Variants in RELN observed in about 807,000 individuals in gnomAD.
The protein encoded by RELN is reelin.
In RELN, 108 loss-of-function variants were observed where a neutral mutation model predicts 427.6. That is an observed-to-expected ratio of 0.25 (90% CI 0.22 to 0.30). RELN has a LOEUF of 0.30. Among genes scored for constraint, RELN ranks in the 10% least tolerant of loss-of-function variants. The pLI is 1.00. For synonymous variants in RELN, 1,524 were observed against 1,513.4 expected, an observed-to-expected ratio of 1.01 and a Z score of -0.16; for missense variants, 3,715 against 4,302.8, an observed-to-expected ratio of 0.86 and a Z score of 3.82.
intron 53 of RELN, among the ~76,000 whole-genome samples, chr7:103,499,444 A>C (rs10260917): frequency 0.01 from 1,596 of 152,298 alleles, 28 homozygotes; most frequent in African/African-American, 0.037. Flanking sequence ...GTAGAGACAC[A>C]TTTCTTGTTT....
intron 48 of RELN, 27 bp downstream of exon 48, chr7:103,521,995 A>G (rs1345680836): frequency 6.2e-7 from 1 of 1,612,622 alleles, no homozygotes; most frequent in Non-Finnish European, 8.5e-7. Flanking sequence ...AAGAGCAGAA[A>G]TGAGTAACCA....
chr7:103,832,128 A>G (rs1249621114), intron 3 of RELN, among the ~76,000 whole-genome samples: 1 of 152,034 alleles, frequency 6.6e-6, no homozygotes, highest in East Asian at 1.9e-4. Flanking sequence ...ACCCATAGAA[A>G]CCCCAGACAC....
intron 3 of RELN, among the ~76,000 whole-genome samples, chr7:103,784,556 T>C (rs1791969914): frequency 6.6e-6 from 1 of 152,190 alleles, no homozygotes; most frequent in African/African-American, 2.4e-5. Flanking sequence ...TGGTTTTTCC[T>C]GGTTCACAAC....
intron 19 of RELN, among the ~76,000 whole-genome samples, chr7:103,631,576 G>T (rs147014986): frequency 0.012 from 1,800 of 152,126 alleles, 47 homozygotes; most frequent in African/African-American, 0.041. Flanking sequence ...ACAGGCGTGG[G>T]CCACTGTGCC....
At chr7:103,826,877 A>G (rs896641217) in intron 3 of RELN, among the ~76,000 whole-genome samples, 1 of 152,074 alleles carries the variant, frequency 6.6e-6, no homozygotes, top group African/African-American at 2.4e-5. Context: ...TTAACCACAA[A>G]GCCTTGTAAT....
intron 16 of RELN, among the ~76,000 whole-genome samples, chr7:103,641,962 AC>A (rs1424310056): frequency 6.6e-6 from 1 of 152,104 alleles, no homozygotes; most frequent in Admixed American, 6.6e-5. Flanking sequence ...ATAAATTAAG[AC>A]ATTCCAAGTC....
intron 4 of RELN, among the ~76,000 whole-genome samples, chr7:103,773,334 C>T (rs1310381376): frequency 3.7e-5 from 2 of 53,892 alleles, no homozygotes; most frequent in South Asian, 1.0e-3. Flanking sequence ...TCTCTCTCTC[C>T]CTCGCTTCCT....
chr7:103,809,333 G>A (rs533157411), intron 3 of RELN, among the ~76,000 whole-genome samples: 30 of 152,250 alleles, frequency 2.0e-4, no homozygotes, highest in African/African-American at 5.5e-4. Context: ...GTGGGGGTGA[G>A]GGTGCAGGTA....
intron 2 of RELN, among the ~76,000 whole-genome samples, chr7:103,906,137 G>T (rs1200562932): frequency 3.3e-5 from 5 of 152,092 alleles, no homozygotes; most frequent in Non-Finnish European, 5.9e-5. Context: ...GGAAAGGACA[G>T]CAGGGTTAGA....
At position 103,539,188 on chromosome 7, in the gene RELN, A is replaced by G. The variant is rs770986138; in HGVS notation, c.7070T>C (p.Ile2357Thr). 4.3e-6 allele frequency: 7 copies of G among 1,614,128 alleles called. No individual in the cohort carries two copies. The highest frequency in any genetic ancestry group is 2.7e-5 in the African/African-American group (2 of 74,946). Reference sequence around the variant, plus strand: ...CACGTAACGGGTGCTGGCCTTTTCAATGAAGACCAGGGCATCACCAGTAGA... The same window carrying G: ...CACGTAACGGGTGCTGGCCTTTTCAGTGAAGACCAGGGCATCACCAGTAGA... ...CGSTGDALVF[I>T]EKASTRYVVS... Residue 2357 changes from isoleucine to threonine, a missense_variant, in exon 45 of 65, where the codon ATT becomes ACT. By Grantham distance (89) the Ile-to-Thr change is moderately conservative. Transcript: ENST00000428762.
intron 58 of RELN, among the ~76,000 whole-genome samples, chr7:103,491,107 T>TG: frequency 6.6e-6 from 1 of 152,370 alleles, no homozygotes; most frequent in South Asian, 2.1e-4. Context: ...TTACTAGAAA[T>TG]ATACCTGGAG....
At chr7:103,766,027 C>A (rs1224623420) in intron 4 of RELN, among the ~76,000 whole-genome samples, 1 of 152,106 alleles carries the variant, frequency 6.6e-6, no homozygotes, top group Non-Finnish European at 1.5e-5. Context: ...TTTGTCATTC[C>A]CCTTAATCTG....
chr7:103,885,967 A>T (rs1195413040), intron 2 of RELN, among the ~76,000 whole-genome samples: 1 of 152,186 alleles, frequency 6.6e-6, no homozygotes, highest in African/African-American at 2.4e-5. Context: ...AATGGTGATT[A>T]TTTTAATCAC....
At chr7:103,972,833 T>C (rs1796791422) in intron 1 of RELN, among the ~76,000 whole-genome samples, 1 of 152,136 alleles carries the variant, frequency 6.6e-6, no homozygotes, top group South Asian at 2.1e-4. Flanking sequence ...GGCTTATTAA[T>C]ATTTTCTTTC....
intron 16 of RELN, among the ~76,000 whole-genome samples, chr7:103,649,367 G>A (rs1431481842): frequency 6.6e-6 from 1 of 151,938 alleles, no homozygotes; most frequent in Non-Finnish European, 1.5e-5. Context: ...CTTATAAGCG[G>A]GAGCTAAATA....
intron 2 of RELN, among the ~76,000 whole-genome samples, chr7:103,835,806 C>T (rs1470715951): frequency 6.6e-6 from 1 of 151,976 alleles, no homozygotes. Context: ...AGTAAATGGC[C>T]CAATACATAT....
chr7:103,602,648 A>T (rs560687905), intron 24 of RELN, among the ~76,000 whole-genome samples: 1 of 150,548 alleles, frequency 6.6e-6, no homozygotes, highest in African/African-American at 2.5e-5. Context: ...ACATGGCCAC[A>T]GGGAGGGGAA....
chr7:103,671,480 T>C (rs773856778), intron 11 of RELN, among the ~76,000 whole-genome samples: 1 of 152,114 alleles, frequency 6.6e-6, no homozygotes. Flanking sequence ...AGACTAGAGA[T>C]TGTTTAGAGA....
At chr7:103,500,247 A>C (rs938892459) in intron 53 of RELN, among the ~76,000 whole-genome samples, 1 of 152,226 alleles carries the variant, frequency 6.6e-6, no homozygotes, top group African/African-American at 2.4e-5. Context: ...TGACCTCTCC[A>C]TTCTTAATAC....
Sources: gnomAD v4.1 joint callset for allele counts (sites outside exome capture counted in the v4.1 genomes callset) on GRCh38, gnomAD v4.1.1 for gene constraint, MANE v1.5 for transcripts, NCBI Gene and HGNC (gene_info 2026-07-23, HGNC 2026-07-21) for gene names.